LIMS1: variants seen among roughly 807,000 people sequenced by gnomAD.
The protein encoded by LIMS1 is LIM zinc finger domain containing 1, also known as LIM and senescent cell antigen-like-containing domain protein 1.
Under a neutral mutation model 44.1 loss-of-function variants are expected in LIMS1, and 18 were observed. The observed-to-expected ratio is 0.41, with a 90% confidence interval of 0.28 to 0.61. The LOEUF (loss-of-function observed/expected upper bound fraction) is 0.61. Among genes scored for constraint, LIMS1 ranks in the 20% least tolerant of loss-of-function variants. LIMS1 has a pLI of 0.32. For synonymous variants in LIMS1, 93 were observed against 149.1 expected, an observed-to-expected ratio of 0.62 and a Z score of 2.74; for missense variants, 201 against 422.0, an observed-to-expected ratio of 0.48 and a Z score of 4.59.
chr2:108,571,015 G>A (rs1412064087), intron 1 of LIMS1, among the ~76,000 whole-genome samples: 1 of 152,018 alleles, frequency 6.6e-6, no homozygotes, highest in Non-Finnish European at 1.5e-5. Flanking sequence ...AAAATCTCTG[G>A]GCATTAATCA....
At chr2:108,638,850 T>C (rs1325133931) in intron 1 of LIMS1, among the ~76,000 whole-genome samples, 1 of 152,130 alleles carries the variant, frequency 6.6e-6, no homozygotes, top group East Asian at 1.9e-4. Context: ...AACACCATCC[T>C]GGCTAAGATG....
chr2:108,679,733 A>G (rs1184097727), intron 8 of LIMS1, among the ~76,000 whole-genome samples: 2 of 146,366 alleles, frequency 1.4e-5, no homozygotes, highest in Non-Finnish European at 3.0e-5. Context: ...CCTGGGCAAC[A>G]GAGCAAGACC....
chr2:108,534,736 C>A, intron 1 of LIMS1, 142 bp downstream of exon 1: 1 of 294,364 alleles, frequency 3.4e-6, no homozygotes, highest in Non-Finnish European at 5.0e-6. Flanking sequence ...GCCCCGACCC[C>A]CAGCGCTCGG....
At chr2:108,618,516 C>G (rs1057031130) in intron 1 of LIMS1, among the ~76,000 whole-genome samples, 2 of 152,046 alleles carry the variant, frequency 1.3e-5, no homozygotes, top group African/African-American at 4.8e-5. Flanking sequence ...CTCTCTCTCT[C>G]TCTATCTTCA....
intron 1 of LIMS1, among the ~76,000 whole-genome samples, chr2:108,635,629 G>T (rs151165008): frequency 2.3e-5 from 3 of 132,208 alleles, no homozygotes; most frequent in East Asian, 1.9e-4. Flanking sequence ...GAACCCAGGA[G>T]GGGGAGGTTT....
chr2:108,682,460 A>G (rs147738840), intron 9 of LIMS1, among the ~76,000 whole-genome samples: 146 of 152,344 alleles, frequency 9.6e-4, no homozygotes, highest in African/African-American at 3.3e-3. Context: ...AGATCGTGCC[A>G]CTGCATTCCA....
At chr2:108,630,063 G>A (rs779317822) in intron 1 of LIMS1, among the ~76,000 whole-genome samples, 12 of 151,974 alleles carry the variant, frequency 7.9e-5, no homozygotes, top group African/African-American at 1.2e-4. Flanking sequence ...GCGTGGTGGC[G>A]TGCACCTGTA....
intron 1 of LIMS1, among the ~76,000 whole-genome samples, chr2:108,549,279 C>CTGTTTTTT (rs1684598595): frequency 1.8e-5 from 1 of 55,784 alleles, no homozygotes; most frequent in Non-Finnish European, 3.1e-5. Flanking sequence ...TAAAGTGTTT[C>CTGTTTTTT]TTTTTTTTTT....
chr2:108,571,215 CAT>C (rs997197090), intron 1 of LIMS1, among the ~76,000 whole-genome samples: 20 of 152,204 alleles, frequency 1.3e-4, no homozygotes, highest in African/African-American at 3.1e-4. Flanking sequence ...TAGTAGTAAT[CAT>C]AAGATATAAG....
chr2:108,534,555 G>A, exon 1 of LIMS1: 1 of 1,205,102 alleles, frequency 8.3e-7, no homozygotes. Flanking sequence ...GCGGCCGAAA[G>A]CGGAGAGATG....
At chr2:108,551,357 TATG>T (rs1175417669) in intron 1 of LIMS1, among the ~76,000 whole-genome samples, 6 of 147,038 alleles carry the variant, frequency 4.1e-5, no homozygotes, top group African/African-American at 7.4e-5. Context: ...TATAATGTAT[TATG>T]TATTATATAT....
chr2:108,567,176 G>A (rs574217499), intron 1 of LIMS1, among the ~76,000 whole-genome samples: 4 of 152,312 alleles, frequency 2.6e-5, no homozygotes, highest in East Asian at 1.9e-4. Flanking sequence ...ACCAGTGTCT[G>A]TGTGGGGTTT....
chr2:108,578,317 G>A, intron 1 of LIMS1, among the ~76,000 whole-genome samples: 1 of 152,162 alleles, frequency 6.6e-6, no homozygotes, highest in South Asian at 2.1e-4. Flanking sequence ...TTATTAGCAT[G>A]TGTATATGTA....
chr2:108,620,137 G>A (rs1030240161), intron 1 of LIMS1, among the ~76,000 whole-genome samples: 2 of 152,182 alleles, frequency 1.3e-5, no homozygotes, highest in African/African-American at 4.8e-5. Context: ...ACTAGCATCT[G>A]TGTCCTAAGT....
rs1685173575 is a variant in LIMS1 at position 108,562,919 on chromosome 2, T to C, written c.32+28325T>C. ...GGTTGACTCTCTTGTTAGGAGATAA[T>C]GTACCTAGTGACTTTAAATTGAAGC... On this transcript the variant is annotated intron_variant, in intron 1 of 9. Transcript: ENST00000544547. 3.3e-5 allele frequency among the ~76,000 whole-genome samples: 5 copies of C among 152,206 alleles called. No individual in the cohort carries two copies. In the South Asian group the frequency reaches 1.0e-3, roughly 31 times the overall value.
intron 1 of LIMS1, among the ~76,000 whole-genome samples, chr2:108,595,055 A>G (rs1304557284): frequency 6.6e-6 from 1 of 152,210 alleles, no homozygotes; most frequent in South Asian, 2.1e-4. Context: ...CTCTTGAAAG[A>G]ATGTGACCAT....
exon 10 of LIMS1, chr2:108,684,730 T>G (rs1693218220): frequency 6.6e-6 from 1 of 152,090 alleles, no homozygotes; most frequent in Non-Finnish European, 1.5e-5. Context: ...CTTTACAATA[T>G]TGGAAAATGA....
intron 1 of LIMS1, among the ~76,000 whole-genome samples, chr2:108,578,173 T>G (rs1298575787): frequency 6.6e-6 from 1 of 152,222 alleles, no homozygotes; most frequent in Non-Finnish European, 1.5e-5. Context: ...CCTCCCAAAG[T>G]GCTGGGATTA....
Position 108,642,351 on chromosome 2 carries a change from T to G in LIMS1, c.33-17254T>G, listed in dbSNP as rs1023395620. On this transcript the variant is annotated intron_variant, in intron 1 of 9. Coordinates refer to ENST00000544547, the Ensembl canonical transcript of LIMS1. ...GCTACTAGTGTTTTTTGTTTTTTTT[T>G]TTTTTTGTTTTTTGTTTTTTTTTTT... Among the ~76,000 whole-genome samples, 67 of 8,918 alleles carry G rather than the reference T, an allele frequency of 7.5e-3. 1 individual carries two copies. The highest frequency in any genetic ancestry group is 0.019 in the Non-Finnish European group (50 of 2,626). 5.9% of individuals were successfully genotyped at this position (8,918 alleles called of 152,430 possible). A position where few individuals can be genotyped will look rare whatever the true frequency, so the allele number is the denominator to read the frequency against.
Sources: allele counts gnomAD v4.1 joint callset (sites outside exome capture counted in the v4.1 genomes callset), GRCh38; gene constraint gnomAD v4.1.1; transcripts MANE v1.5; gene names NCBI Gene and HGNC (gene_info 2026-07-23, HGNC 2026-07-21).